PAPSS1: variants seen among roughly 807,000 people sequenced by gnomAD.
The protein encoded by PAPSS1 is 3'-phosphoadenosine 5'-phosphosulfate synthase 1.
In PAPSS1, 50 loss-of-function variants were observed where a neutral mutation model predicts 72.0. The ratio of observed to expected loss-of-function variants is 0.69; its 90% CI spans 0.55 to 0.88. The LOEUF is 0.88. Ranked by LOEUF, PAPSS1 falls within the 40% of genes least tolerant of loss-of-function variation. The pLI is 0.00. For synonymous variants in PAPSS1, 261 were observed against 263.6 expected (o/e 0.99, Z 0.09); for missense variants, 657 against 782.2 (o/e 0.84, Z 1.91).
intron 5 of PAPSS1, among the ~76,000 whole-genome samples, chr4:107,681,196 A>T (rs1722583055): frequency 6.6e-6 from 1 of 152,170 alleles, no homozygotes; most frequent in South Asian, 2.1e-4. Flanking sequence ...AAACTCCAAA[A>T]CCCACAGTTA....
chr4:107,693,296 A>AT (rs1396385984), intron 3 of PAPSS1, among the ~76,000 whole-genome samples: 1 of 152,096 alleles, frequency 6.6e-6, no homozygotes, highest in Admixed American at 6.6e-5. Context: ...AAATGACATA[A>AT]TTTTTTCAGA....
chr4:107,643,920 C>T (rs903128164), intron 10 of PAPSS1, among the ~76,000 whole-genome samples: 15 of 151,908 alleles, frequency 9.9e-5, no homozygotes, highest in African/African-American at 3.1e-4. Flanking sequence ...AATTAGGAAA[C>T]GATCAGAATG....
chr4:107,631,834 C>A lies in PAPSS1; in HGVS notation c.1533G>T (p.Met511Ile). ...CAATGTAAAAGTTGGCTCCTGCAAC[C>A]ATCCGTGCTCTGCAATGCCACTGGA... Reference protein sequence around the residue: ...TEVQWHCRARMVAGANFYIVG... With the variant: ...TEVQWHCRARIVAGANFYIVG... The change falls in exon 11 of 12, where the codon ATG becomes ATT. Residue 511 changes from methionine (M) to isoleucine (I), a missense_variant. Physicochemically the swap from Met to Ile is conservative, Grantham distance 10. This residue lies in a region of PAPSS1 where 166 missense variants were observed against 228.3 expected (regional missense o/e 0.73). Coordinates refer to ENST00000265174, the MANE Select transcript of PAPSS1 (RefSeq NM_005443.5). 6.2e-7 allele frequency: 1 copy of A among 1,613,852 alleles called. No individual in the cohort carries two copies. The highest frequency in any genetic ancestry group is 8.5e-7 in the Non-Finnish European group (1 of 1,179,852).
chr4:107,655,134 A>G (rs1485884678), intron 7 of PAPSS1, among the ~76,000 whole-genome samples: 5 of 151,972 alleles, frequency 3.3e-5, no homozygotes, highest in Non-Finnish European at 7.4e-5. Flanking sequence ...GGAAAAATTA[A>G]AAGAATCAAA....
chr4:107,683,059 C>T (rs906721895), intron 4 of PAPSS1, among the ~76,000 whole-genome samples: 2 of 152,054 alleles, frequency 1.3e-5, no homozygotes, highest in African/African-American at 4.8e-5. Context: ...GTTAAAGATA[C>T]GCTATTCCTA....
At chr4:107,629,967 C>T (rs773323192) in intron 11 of PAPSS1, among the ~76,000 whole-genome samples, 4 of 152,202 alleles carry the variant, frequency 2.6e-5, no homozygotes, top group Non-Finnish European at 4.4e-5. Flanking sequence ...CATTATTAGG[C>T]ATCCACCTCT....
intron 2 of PAPSS1, among the ~76,000 whole-genome samples, chr4:107,700,754 T>C (rs983227682): frequency 6.6e-5 from 10 of 152,316 alleles, no homozygotes; most frequent in African/African-American, 1.9e-4. Context: ...TCCCTCAATC[T>C]TGGACTTCCC....
intron 10 of PAPSS1, among the ~76,000 whole-genome samples, chr4:107,633,807 T>C (rs980088108): frequency 2.0e-5 from 3 of 151,264 alleles, no homozygotes; most frequent in Non-Finnish European, 2.9e-5. Context: ...TAGTCACAGC[T>C]ACTCGGGAGG....
intron 5 of PAPSS1, among the ~76,000 whole-genome samples, chr4:107,675,227 A>C (rs1388243645): frequency 6.6e-6 from 1 of 152,238 alleles, no homozygotes; most frequent in Non-Finnish European, 1.5e-5. Context: ...ACTCTTCAAA[A>C]AAATCAATGA....
At chr4:107,688,002 A>C (rs1722832169) in intron 3 of PAPSS1, among the ~76,000 whole-genome samples, 1 of 151,882 alleles carries the variant, frequency 6.6e-6, no homozygotes, top group African/African-American at 2.4e-5. Flanking sequence ...CAAATCTCCA[A>C]GAATAAGCTC....
Position 107,720,149 on chromosome 4 carries a change from C to T in PAPSS1, c.31G>A (p.Val11Ile), listed in dbSNP as rs531167753. Residue 11 changes from valine (V) to isoleucine (I), a missense_variant, in exon 1 of 12, where the codon GTC becomes ATC. By Grantham distance (29) the Val-to-Ile change is conservative. Around this residue, in one of 7 missense-constraint regions of PAPSS1, gnomAD observed 48 missense variants for 31.9 expected, o/e 1.51. Coordinates refer to ENST00000265174, the MANE Select transcript of PAPSS1 (RefSeq NM_005443.5). MEIPGSLCKK[V>I]KLSNNAQNWG... The stretch of plus-strand genomic sequence containing the variant: ...TTCTGCGCGTTATTGCTCAGTTTGA[C>T]TTTCTTGCACAGGCTCCCGGGGATC... 21 of 1,605,974 alleles carry T rather than the reference C, an allele frequency of 1.3e-5. No homozygotes were observed. In the South Asian group the frequency reaches 2.3e-4, roughly 18 times the overall value.
At chr4:107,616,793 G>A (rs1292646948) in intron 11 of PAPSS1, among the ~76,000 whole-genome samples, 1 of 152,196 alleles carries the variant, frequency 6.6e-6, no homozygotes, top group Admixed American at 6.5e-5. Flanking sequence ...TGGGATAGGA[G>A]TGTTGATATA....
At chr4:107,637,333 G>A (rs1225416375) in intron 10 of PAPSS1, among the ~76,000 whole-genome samples, 8 of 151,890 alleles carry the variant, frequency 5.3e-5, no homozygotes, top group Admixed American at 2.0e-4. Context: ...TCCAAACCTG[G>A]CAAAGACTTC....
intron 1 of PAPSS1, among the ~76,000 whole-genome samples, chr4:107,712,698 C>T (rs998999895): frequency 1.2e-4 from 18 of 151,944 alleles, no homozygotes; most frequent in Admixed American, 9.8e-4. Flanking sequence ...CATTGTGAAA[C>T]CCCGTCTCTG....
chr4:107,661,557 C>T (rs1198034155), intron 5 of PAPSS1, among the ~76,000 whole-genome samples: 1 of 152,092 alleles, frequency 6.6e-6, no homozygotes, highest in Non-Finnish European at 1.5e-5. Context: ...GTGAGAACTG[C>T]TAAGTGAAAA....
intron 2 of PAPSS1, among the ~76,000 whole-genome samples, chr4:107,695,059 T>C (rs772022049): frequency 8.5e-5 from 13 of 152,212 alleles, no homozygotes; most frequent in African/African-American, 1.4e-4. Flanking sequence ...GGGAATAGCA[T>C]TGAATACATA....
At chr4:107,680,570 A>G (rs934252534) in intron 5 of PAPSS1, among the ~76,000 whole-genome samples, 1 of 152,192 alleles carries the variant, frequency 6.6e-6, no homozygotes, top group African/African-American at 2.4e-5. Flanking sequence ...CTAGGAGTTA[A>G]ACACTCTTAT....
intron 11 of PAPSS1, among the ~76,000 whole-genome samples, chr4:107,622,370 G>A (rs562886972): frequency 1.3e-5 from 2 of 152,206 alleles, no homozygotes; most frequent in South Asian, 2.1e-4. Context: ...CAGCATATAG[G>A]TATTGCTGGG....
chr4:107,683,389 G>A (rs1722685739), intron 4 of PAPSS1, among the ~76,000 whole-genome samples: 1 of 151,724 alleles, frequency 6.6e-6, no homozygotes, highest in African/African-American at 2.4e-5. Flanking sequence ...TTCTGATTAA[G>A]AACACTAACT....
Sources: allele counts gnomAD v4.1 joint callset (sites outside exome capture counted in the v4.1 genomes callset), GRCh38; gene constraint gnomAD v4.1.1; regional missense constraint gnomAD v4.1.1; transcripts MANE v1.5; gene names NCBI Gene and HGNC (gene_info 2026-07-23, HGNC 2026-07-21).